The following SPATA17 variants were observed in gnomAD, a reference collection of about 807,000 sequenced individuals.
The protein encoded by SPATA17 is spermatogenesis associated 17.
In SPATA17, 53 loss-of-function variants were observed where a neutral mutation model predicts 62.2. The observed-to-expected ratio is 0.85, with a 90% confidence interval of 0.68 to 1.07. The LOEUF is 1.07. SPATA17 is among the 50% of genes least tolerant of loss of function. The pLI, the probability that SPATA17 is intolerant of heterozygous loss-of-function variation, is 0.00. For missense variants in SPATA17, 466 were observed against 425.5 expected (o/e 1.10, Z -0.84); for synonymous variants, 146 against 146.8 (o/e 0.99, Z 0.04).
chr1:217,828,400 T>G (rs1287725051), intron 9 of SPATA17, among the ~76,000 whole-genome samples: 2 of 151,602 alleles, frequency 1.3e-5, no homozygotes, highest in Non-Finnish European at 1.5e-5. Flanking sequence ...TTGGATGCTA[T>G]TTTTTACCAT....
intron 9 of SPATA17, among the ~76,000 whole-genome samples, chr1:217,837,681 T>C (rs1675292829): frequency 6.6e-6 from 1 of 152,178 alleles, no homozygotes; most frequent in African/African-American, 2.4e-5. Flanking sequence ...CTTTACCATC[T>C]GCATTTTCCC....
chr1:217,631,375 G>C lies in SPATA17; in HGVS notation c.-4G>C, dbSNP rs555188555. 6.2e-7 allele frequency: 1 copy of C among 1,614,098 alleles called. No homozygotes were observed. Among genetic ancestry groups the C allele is most frequent in the South Asian group, 1.1e-5 (1 of 91,070 alleles). On this transcript the variant is annotated 5_prime_UTR_variant, in exon 1 of 11. Coordinates refer to ENST00000366933, the MANE Select transcript of SPATA17 (RefSeq NM_138796.4). ...ACCAGTTGTAAACCCAAGGCCAAGA[G>C]ACCATGGCCACGTTAGCCCGGCTGC...
chr1:217,864,456 G>C (rs1675965647), intron 10 of SPATA17, among the ~76,000 whole-genome samples: 1 of 152,032 alleles, frequency 6.6e-6, no homozygotes, highest in African/African-American at 2.4e-5. Flanking sequence ...AAAGTACGCT[G>C]TGTAGTCTTA....
chr1:217,812,819 T>TC (rs1674624676), intron 9 of SPATA17, among the ~76,000 whole-genome samples: 1 of 152,194 alleles, frequency 6.6e-6, no homozygotes, highest in Non-Finnish European at 1.5e-5. Flanking sequence ...TCTAAAGCCT[T>TC]TATCTGAATT....
chr1:217,782,022 C>T (rs1377168723), intron 7 of SPATA17, 152 bp from the exon 8 acceptor site: 6 of 613,306 alleles, frequency 9.8e-6, no homozygotes, highest in Non-Finnish European at 1.3e-5. Flanking sequence ...GATATTATGT[C>T]ATGCATATTC....
chr1:217,637,470 A>G (rs771936782), intron 1 of SPATA17, among the ~76,000 whole-genome samples: 1 of 152,138 alleles, frequency 6.6e-6, no homozygotes, highest in African/African-American at 2.4e-5. Flanking sequence ...ACATTACTCT[A>G]TGGTTCAAGA....
chr1:217,785,265 T>G (rs1673832229), intron 8 of SPATA17: 1 of 152,890 alleles, frequency 6.5e-6, no homozygotes, highest in African/African-American at 2.4e-5. Context: ...AGTGACCCTG[T>G]ATTAGTCCGT....
At chr1:217,721,069 A>T (rs1488615494) in intron 5 of SPATA17, among the ~76,000 whole-genome samples, 14 of 152,200 alleles carry the variant, frequency 9.2e-5, no homozygotes. Context: ...AAGGCATCAC[A>T]CTCAGATGTA....
At chr1:217,785,852 A>T (rs1390500438) in intron 8 of SPATA17, among the ~76,000 whole-genome samples, 2 of 152,102 alleles carry the variant, frequency 1.3e-5, no homozygotes, top group Admixed American at 1.3e-4. Context: ...AATAATAAAG[A>T]CATGGAAAAT....
intron 3 of SPATA17, among the ~76,000 whole-genome samples, chr1:217,664,122 T>A (rs983604180): frequency 6.6e-6 from 1 of 152,004 alleles, no homozygotes; most frequent in African/African-American, 2.4e-5. Flanking sequence ...CTGGAGCATG[T>A]TTTGAGAATA....
chr1:217,773,870 TAAAA>T (rs1673520291), intron 6 of SPATA17, among the ~76,000 whole-genome samples: 1 of 151,880 alleles, frequency 6.6e-6, no homozygotes, highest in South Asian at 2.1e-4. Context: ...GAATAATAAT[TAAAA>T]TAATCAGTCA....
At chr1:217,657,200 T>C (rs1210963062) in intron 3 of SPATA17, among the ~76,000 whole-genome samples, 3 of 152,204 alleles carry the variant, frequency 2.0e-5, no homozygotes, top group African/African-American at 7.2e-5. Context: ...ACAGCTGTCA[T>C]GAAGCTTACC....
chr1:217,728,112 A>G (rs191351068), intron 5 of SPATA17, among the ~76,000 whole-genome samples: 88 of 152,274 alleles, frequency 5.8e-4, no homozygotes, highest in African/African-American at 2.1e-3. Flanking sequence ...ACAGTACTGG[A>G]AACATACTAG....
At chr1:217,822,491 A>T (rs2102997582) in intron 9 of SPATA17, among the ~76,000 whole-genome samples, 1 of 150,972 alleles carries the variant, frequency 6.6e-6, no homozygotes, top group African/African-American at 2.4e-5. Flanking sequence ...CCTGCCTAGG[A>T]TTCCTTGGGT....
intron 8 of SPATA17, among the ~76,000 whole-genome samples, chr1:217,786,518 A>G (rs1279310022): frequency 6.6e-6 from 1 of 152,202 alleles, no homozygotes. Flanking sequence ...GGAGAAAGAA[A>G]AATTGCAAAA....
chr1:217,701,016 C>A (rs1671583713), intron 5 of SPATA17, among the ~76,000 whole-genome samples: 1 of 151,262 alleles, frequency 6.6e-6, no homozygotes, highest in Non-Finnish European at 1.5e-5. Context: ...GCTCTGTCAT[C>A]CAGGCTGGAG....
chr1:217,810,516 G>A (rs1674561222), intron 9 of SPATA17, among the ~76,000 whole-genome samples: 2 of 152,006 alleles, frequency 1.3e-5, no homozygotes, highest in South Asian at 2.1e-4. Context: ...CAGCTACTTG[G>A]GGGGCTGAGG....
chr1:217,812,326 T>G (rs1052082503), intron 9 of SPATA17, among the ~76,000 whole-genome samples: 3 of 152,154 alleles, frequency 2.0e-5, no homozygotes, highest in African/African-American at 4.8e-5. Context: ...TTTGTTTTAT[T>G]TTTAATGCTA....
At chr1:217,769,494 G>A (rs545428051) in intron 6 of SPATA17, among the ~76,000 whole-genome samples, 1 of 152,176 alleles carries the variant, frequency 6.6e-6, no homozygotes, top group Non-Finnish European at 1.5e-5. Context: ...TCATGATCTT[G>A]GCTGAAATGC....
Sources: gnomAD v4.1 joint callset for allele counts (sites outside exome capture counted in the v4.1 genomes callset) on GRCh38, gnomAD v4.1.1 for gene constraint, MANE v1.5 for transcripts, NCBI Gene and HGNC (gene_info 2026-07-23, HGNC 2026-07-21) for gene names.